Variants in GABBR1 observed in about 807,000 individuals in gnomAD.
GABBR1 encodes GABA-B receptor, R1 subunit.
GABBR1 carries 35 observed loss-of-function variants against 117.7 expected under a neutral mutation model. The ratio of observed to expected loss-of-function variants is 0.30; its 90% CI spans 0.23 to 0.39. The LOEUF (loss-of-function observed/expected upper bound fraction) is 0.39, where lower values mean the gene tolerates loss of function less well. Ranked by LOEUF, GABBR1 falls within the 10% of genes least tolerant of loss-of-function variation. GABBR1 has a pLI of 1.00. For synonymous variants in GABBR1, 442 were observed against 486.6 expected, an observed-to-expected ratio of 0.91 and a Z score of 1.21; for missense variants, 709 against 1,241.8, an observed-to-expected ratio of 0.57 and a Z score of 6.45.
In GABBR1 at chr6:29,630,920, G is replaced by A. The variant is rs1011335169; in HGVS notation, c.290-277C>T. On this transcript the variant is annotated intron_variant, in intron 3 of 22. Coordinates refer to ENST00000377034, the MANE Select transcript of GABBR1 (RefSeq NM_001470.4). This position sits in a 1 kb window ranked among gnomAD's most constrained non-coding sequence, Gnocchi z 4.9. ...TCTTCAAAGTCAGCTACAGTGGGCG[G>A]TTCTCTGGCTTTGAAATATGTAGAT... 1.3e-5 allele frequency among the ~76,000 whole-genome samples: 2 copies of A among 152,202 alleles called. No individual in the cohort carries two copies. Among genetic ancestry groups the A allele is most frequent in the African/African-American group, 2.4e-5 (1 of 41,456 alleles).
Position 29,605,027 on chromosome 6 carries a change from AG to A in GABBR1, c.2440-40del. 6.4e-7 allele frequency: 1 copy of A among 1,570,020 alleles called. No homozygotes were observed. Among genetic ancestry groups the A allele is most frequent in the Middle Eastern group, 1.8e-4 (1 of 5,614 alleles). ...CACATTGAGGGAGTCTCAGGTCTGC[AG>A]GCTCAGACAAGATCCAGAGTTTACT... On this transcript the variant is annotated intron_variant, in intron 20 of 22. Coordinates refer to ENST00000377034, the MANE Select transcript of GABBR1 (RefSeq NM_001470.4). The surrounding 1 kb of genome is among the most constrained non-coding windows in gnomAD (Gnocchi z 4.2).
intron 4 of GABBR1, 103 bp from the exon 5 acceptor site, chr6:29,629,210 G>A (rs780276343): frequency 2.3e-6 from 3 of 1,329,038 alleles, no homozygotes; most frequent in South Asian, 1.2e-5. Flanking sequence ...GCTGAAGACC[G>A]GGGAGAGCAG....
In GABBR1 at chr6:29,630,717, A is replaced by T. The variant is rs985050696; in HGVS notation, c.290-74T>A. On this transcript the variant is annotated intron_variant, in intron 3 of 22. Transcript: ENST00000377034. The surrounding 1 kb of genome is among the most constrained non-coding windows in gnomAD (Gnocchi z 4.9). ...TTTCCCTTTAAAGAGCAGGGGACTCAGGTGCAGGTTTGGGTCCACAAGCAT... is the reference window on the plus strand; with the variant it reads ...TTTCCCTTTAAAGAGCAGGGGACTCTGGTGCAGGTTTGGGTCCACAAGCAT... 7.4e-7 allele frequency: 1 copy of T among 1,354,868 alleles called. No homozygotes were observed. Among genetic ancestry groups the T allele is most frequent in the African/African-American group, 1.4e-5 (1 of 69,204 alleles). 83.9% of individuals were successfully genotyped at this position (1,354,868 alleles called of 1,614,324 possible).
chr6:29,628,111 C>T (rs1199769162), intron 5 of GABBR1: 2 of 109,334 alleles, frequency 1.8e-5, no homozygotes, highest in Non-Finnish European at 2.8e-5. Context: ...GGTGGGGGGG[C>T]GGGCGGGAGC....
rs1000681872 is a variant in GABBR1 at position 29,605,943 on chromosome 6, C to G, written c.2312-247G>C. On this transcript the variant is annotated intron_variant, in intron 19 of 22. Coordinates refer to ENST00000377034, the MANE Select transcript of GABBR1 (RefSeq NM_001470.4). The surrounding 1 kb of genome is among the most constrained non-coding windows in gnomAD (Gnocchi z 4.2). ...GCAATGGTGGCAAGCTGCTGTCAGTCAGGCAAGGGCTTGTTGAATATCTAG... is the reference window on the plus strand; with the variant it reads ...GCAATGGTGGCAAGCTGCTGTCAGTGAGGCAAGGGCTTGTTGAATATCTAG... The G allele has an allele frequency of 1.7e-6, 1 of 578,324 alleles. No individual in the cohort carries two copies. Among genetic ancestry groups the G allele is most frequent in the Non-Finnish European group, 3.1e-6 (1 of 324,688 alleles). The allele number at this position is 578,324 out of a possible 1,614,324, so 35.8% of individuals were successfully genotyped here. A position where few individuals can be genotyped will look rare whatever the true frequency, so the allele number is the denominator to read the frequency against.
In GABBR1 at chr6:29,627,871, G is replaced by A. The variant is rs1184339003; in HGVS notation, c.497-225C>T. The stretch of plus-strand genomic sequence containing the variant: ...TTTTCCTGGGGAGGGCTGCTAAGAG[G>A]GTGCCGGGGAGGCGCCTCCATCCCT... On this transcript the variant is annotated intron_variant, in intron 5 of 22. Transcript: ENST00000377034. The surrounding 1 kb of genome is among the most constrained non-coding windows in gnomAD (Gnocchi z 4.4). 80 of 1,371,290 alleles carry A rather than the reference G, an allele frequency of 5.8e-5. No individual in the cohort carries two copies. The highest frequency in any genetic ancestry group is 7.2e-5 in the Non-Finnish European group (77 of 1,070,152). 84.9% of individuals were successfully genotyped at this position (1,371,290 alleles called of 1,614,324 possible). A position where few individuals can be genotyped will look rare whatever the true frequency, so the allele number is the denominator to read the frequency against.
chr6:29,602,510 C>T lies in GABBR1; in HGVS notation c.*1033G>A, dbSNP rs573115793. On this transcript the variant is annotated 3_prime_UTR_variant, in exon 23 of 23. Coordinates refer to ENST00000377034, the MANE Select transcript of GABBR1 (RefSeq NM_001470.4). ...TTGTGAGTGTAGACTGAGGGTAGTA[C>T]ATGAATGCAATGGAGATGGGGGGAA... 7.2e-5 allele frequency: 12 copies of T among 166,472 alleles called. 1 individual carries two copies. The East Asian group carries it at 1.5e-3, about 21-fold the overall frequency. 10.3% of individuals were successfully genotyped at this position (166,472 alleles called of 1,614,324 possible).
In GABBR1 at chr6:29,632,512, C is replaced by A. The variant is rs1055766955; in HGVS notation, c.1-127G>T. On this transcript the variant is annotated intron_variant, in intron 1 of 22. Coordinates refer to ENST00000377034, the MANE Select transcript of GABBR1 (RefSeq NM_001470.4). This position sits in a 1 kb window ranked among gnomAD's most constrained non-coding sequence, Gnocchi z 5.8. ...GGGCTCAGCCTGGGGACCAAGAGAG[C>A]GCCCCGCGGAGGAGGCGGGGGCGGA... 2 of 972,046 alleles carry A rather than the reference C, an allele frequency of 2.1e-6. No homozygotes were observed. 60.2% of individuals were successfully genotyped at this position (972,046 alleles called of 1,614,324 possible).
rs778978451 is a variant in GABBR1, at chr6:29,609,146, A to T, written c.1859+83T>A. On this transcript the variant is annotated intron_variant, in intron 15 of 22. Transcript: ENST00000377034. The surrounding 1 kb of genome is among the most constrained non-coding windows in gnomAD (Gnocchi z 4.3). ...CATGATACATGGCCATGGGAGTTAC[A>T]CAGGTTTTATTCTCATCCTGTCCAG... is the stretch of plus-strand genomic sequence containing the variant. The T allele has an allele frequency of 1.7e-5, 23 of 1,370,198 alleles. No homozygotes were observed. The highest frequency in any genetic ancestry group is 2.2e-5 in the Non-Finnish European group (22 of 979,030). The allele number at this position is 1,370,198 out of a possible 1,614,324, so 84.9% of individuals were successfully genotyped here. A position where few individuals can be genotyped will look rare whatever the true frequency, so the allele number is the denominator to read the frequency against.
At position 29,607,261 on chromosome 6, in the gene GABBR1, T is replaced by C. The variant is rs1762056077; in HGVS notation, c.1993-43A>G. On this transcript the variant is annotated intron_variant, in intron 16 of 22. Transcript: ENST00000377034. This position sits in a 1 kb window ranked among gnomAD's most constrained non-coding sequence, Gnocchi z 5.0. ...GCACAGGCAGAACAGGGTAGAGTAGTAGCCGGGACTGCAGTAAGGATGGGC... is the reference window on the plus strand; with the variant it reads ...GCACAGGCAGAACAGGGTAGAGTAGCAGCCGGGACTGCAGTAAGGATGGGC... 6.7e-7 allele frequency: 1 copy of C among 1,486,646 alleles called. No individual in the cohort carries two copies. The allele number at this position is 1,486,646 out of a possible 1,614,324, so 92.1% of individuals were successfully genotyped here. A position where few individuals can be genotyped will look rare whatever the true frequency, so the allele number is the denominator to read the frequency against.
chr6:29,616,959 A>G (rs1187562392), intron 11 of GABBR1, among the ~76,000 whole-genome samples: 1 of 148,640 alleles, frequency 6.7e-6, no homozygotes, highest in East Asian at 2.0e-4. Context: ...CATCCTGGCT[A>G]ACACGGTGAA....
chr6:29,606,268 C>CA lies in GABBR1; in HGVS notation c.2311+122dup. 1 of 726,524 alleles carries CA rather than the reference C, an allele frequency of 1.4e-6. No homozygotes were observed. Among genetic ancestry groups the CA allele is most frequent in the Non-Finnish European group, 2.5e-6 (1 of 400,850 alleles). 45.0% of individuals were successfully genotyped at this position (726,524 alleles called of 1,614,324 possible). A position where few individuals can be genotyped will look rare whatever the true frequency, so the allele number is the denominator to read the frequency against. ...GTGCAATAACAAAGAGTAGGGTGTT[C>CA]AAACTGGGTTGACAAGCTCTCTACC... On this transcript the variant is annotated intron_variant, in intron 19 of 22. Coordinates refer to ENST00000377034, the MANE Select transcript of GABBR1 (RefSeq NM_001470.4). This position sits in a 1 kb window ranked among gnomAD's most constrained non-coding sequence, Gnocchi z 4.5.
rs539874243 is a variant in GABBR1, at chr6:29,623,183, G to A, written c.963+122C>T. 30 of 847,934 alleles carry A rather than the reference G, an allele frequency of 3.5e-5. No homozygotes were observed. The African/African-American group carries it at 4.6e-4, about 13-fold the overall frequency. The allele number at this position is 847,934 out of a possible 1,614,324, so 52.5% of individuals were successfully genotyped here. ...AGAAAGAACTGCACTTAATCCACATGGAATGCGTTCTCTTTCAATGAAGAA... is the reference window on the plus strand; with the variant it reads ...AGAAAGAACTGCACTTAATCCACATAGAATGCGTTCTCTTTCAATGAAGAA... On this transcript the variant is annotated intron_variant, in intron 8 of 22. Transcript: ENST00000377034. The surrounding 1 kb of genome is among the most constrained non-coding windows in gnomAD (Gnocchi z 6.2).
rs1763756379 is a variant in GABBR1 at position 29,621,622 on chromosome 6, G to C, written c.1131+130C>G. The C allele has an allele frequency of 1.3e-6, 1 of 772,930 alleles. No individual in the cohort carries two copies. The allele number at this position is 772,930 out of a possible 1,614,324, so 47.9% of individuals were successfully genotyped here. A position where few individuals can be genotyped will look rare whatever the true frequency, so the allele number is the denominator to read the frequency against. Reference sequence around the variant, plus strand: ...GGGATGCAGTCAGAGCCAACAGACAGAGACATCCTATGAATCGTCACCTCA... The same window carrying C: ...GGGATGCAGTCAGAGCCAACAGACACAGACATCCTATGAATCGTCACCTCA... On this transcript the variant is annotated intron_variant, in intron 10 of 22. Transcript: ENST00000377034. The surrounding 1 kb of genome is among the most constrained non-coding windows in gnomAD (Gnocchi z 5.0).
Position 29,621,828 on chromosome 6 carries a change from G to A in GABBR1, c.1066-11C>T, listed in dbSNP as rs1375188971. On this transcript the variant is annotated splice_polypyrimidine_tract_variant and intron_variant, in intron 9 of 22. Coordinates refer to ENST00000377034, the MANE Select transcript of GABBR1 (RefSeq NM_001470.4). This position sits in a 1 kb window ranked among gnomAD's most constrained non-coding sequence, Gnocchi z 5.0. Reference sequence around the variant, plus strand: ...TCGGGCATCCTGGCGCTACAACAGAGAAAGAAACAGCTCCTGAGGGATGCC... The same window carrying A: ...TCGGGCATCCTGGCGCTACAACAGAAAAAGAAACAGCTCCTGAGGGATGCC... The A allele has an allele frequency of 1.9e-6, 3 of 1,614,082 alleles. No homozygotes were observed. The highest frequency in any genetic ancestry group is 2.5e-6 in the Non-Finnish European group (3 of 1,179,954).
chr6:29,602,791 C>G lies in GABBR1; in HGVS notation c.*752G>C, dbSNP rs1161871302. ...GACAAATTGCACATGCCTACCCAAACACGCTCAAGGGCAGACCCATGACCA... is the reference window on the plus strand; with the variant it reads ...GACAAATTGCACATGCCTACCCAAAGACGCTCAAGGGCAGACCCATGACCA... On this transcript the variant is annotated 3_prime_UTR_variant, in exon 23 of 23. Transcript: ENST00000377034. 6 of 348,434 alleles carry G rather than the reference C, an allele frequency of 1.7e-5. No homozygotes were observed. In the East Asian group the frequency reaches 3.0e-4, roughly 18 times the overall value. 21.6% of individuals were successfully genotyped at this position (348,434 alleles called of 1,614,324 possible).
At chr6:29,612,168 AT>A (rs540730674) in intron 13 of GABBR1, among the ~76,000 whole-genome samples, 3,020 of 137,490 alleles carry the variant, frequency 0.022, 48 homozygotes, top group South Asian at 0.063. Context: ...CACCCAGCTA[AT>A]TTTTTTTTTT....
chr6:29,621,748 C>G lies in GABBR1; in HGVS notation c.1131+4G>C. ...TGCCCCTCCCTCTTCAGATCCAACT[C>G]CACCTCACAAAAAACTTTCCGGGCT... On this transcript the variant is annotated splice_donor_region_variant and intron_variant, in intron 10 of 22. Coordinates refer to ENST00000377034, the MANE Select transcript of GABBR1 (RefSeq NM_001470.4). The surrounding 1 kb of genome is among the most constrained non-coding windows in gnomAD (Gnocchi z 5.0). 6.2e-7 allele frequency: 1 copy of G among 1,613,800 alleles called. No individual in the cohort carries two copies. The highest frequency in any genetic ancestry group is 8.5e-7 in the Non-Finnish European group (1 of 1,179,728).
chr6:29,612,763 C>A (rs1458600675), intron 12 of GABBR1, 149 bp from the exon 13 acceptor site: 7 of 695,968 alleles, frequency 1.0e-5, no homozygotes, highest in Non-Finnish European at 1.5e-5. Flanking sequence ...ATAGGACATA[C>A]CCCAGATGCC....
Sources: allele counts gnomAD v4.1 joint callset (sites outside exome capture counted in the v4.1 genomes callset), GRCh38; gene constraint gnomAD v4.1.1; non-coding constraint Gnocchi (gnomAD v3.1); transcripts MANE v1.5; gene names NCBI Gene and HGNC (gene_info 2026-07-23, HGNC 2026-07-21).